DST: variants seen among roughly 807,000 people sequenced by gnomAD.
DST encodes the protein bullous pemphigoid antigen.
A neutral mutation model predicts 875.2 loss-of-function variants in DST; 253 were observed. The ratio of observed to expected loss-of-function variants is 0.29; its 90% CI spans 0.26 to 0.32. The LOEUF is 0.32. Ranked by LOEUF, DST falls within the 10% of genes least tolerant of loss-of-function variation. DST has a pLI of 1.00. For missense variants in DST, 8,287 were observed against 9,111.6 expected, an observed-to-expected ratio of 0.91 and a Z score of 3.68; for synonymous variants, 3,124 against 3,197.1, an observed-to-expected ratio of 0.98 and a Z score of 0.77.
intron 4 of DST, among the ~76,000 whole-genome samples, chr6:56,758,729 A>G (rs1045722948): frequency 2.0e-5 from 3 of 152,212 alleles, no homozygotes; most frequent in Non-Finnish European, 2.9e-5. Flanking sequence ...TGTCATCTAC[A>G]TGTGGCCTGA....
In DST at chr6:56,460,156, A is replaced by G; in HGVS notation, c.23169T>C (p.Ala7723=). 6.2e-7 allele frequency: 1 copy of G among 1,613,740 alleles called. No individual in the cohort carries two copies. Among genetic ancestry groups the G allele is most frequent in the Non-Finnish European group, 8.5e-7 (1 of 1,179,684 alleles). ...GEDSGLITTA[A]ARVRTQFADS... is the part of the protein sequence containing the mutation. The stretch of plus-strand genomic sequence containing the variant: ...CAGCAAACTGTGTTCGGACTCTGGC[A>G]GCTGCAGTTGTTATCAAGCCACTGT... Residue 7723 remains alanine (A), a synonymous_variant, in exon 103 of 104, where the codon GCT becomes GCC. Transcript: ENST00000680361.
At chr6:56,742,944 T>G (rs1204297739) in intron 4 of DST, among the ~76,000 whole-genome samples, 1 of 152,228 alleles carries the variant, frequency 6.6e-6, no homozygotes, top group African/African-American at 2.4e-5. Context: ...GTCCTCAGTT[T>G]AAAGCTGTGA....
chr6:56,700,825 T>C (rs1255524237), intron 8 of DST, among the ~76,000 whole-genome samples: 3 of 152,118 alleles, frequency 2.0e-5, no homozygotes, highest in African/African-American at 4.8e-5. Context: ...TGATGAATAA[T>C]AAGCAAACAA....
intron 34 of DST, 101 bp downstream of exon 34, chr6:56,627,103 T>C: frequency 1.1e-6 from 1 of 919,394 alleles, no homozygotes; most frequent in Non-Finnish European, 1.8e-6. Flanking sequence ...AAATGAAGAT[T>C]CTTTTAAACA....
intron 36 of DST, 44 bp from the exon 37 acceptor site, chr6:56,614,528 G>A: frequency 1.3e-6 from 2 of 1,518,908 alleles, no homozygotes; most frequent in Non-Finnish European, 1.8e-6. Context: ...TGCATTAAAT[G>A]ACTTAGCTAT....
chr6:56,734,588 G>A (rs2099516218), intron 5 of DST, among the ~76,000 whole-genome samples: 1 of 152,258 alleles, frequency 6.6e-6, no homozygotes, highest in Non-Finnish European at 1.5e-5. Context: ...ATTTACAGAA[G>A]GGCTTCAATA....
At chr6:56,813,027 A>G (rs930585740) in intron 4 of DST, among the ~76,000 whole-genome samples, 9 of 152,098 alleles carry the variant, frequency 5.9e-5, no homozygotes, top group African/African-American at 2.2e-4. Context: ...AATGTGGCAC[A>G]CATACACCAT....
chr6:56,664,893 T>C (rs2099064550), intron 10 of DST, among the ~76,000 whole-genome samples: 1 of 152,122 alleles, frequency 6.6e-6, no homozygotes, highest in Non-Finnish European at 1.5e-5. Flanking sequence ...ACACAGAAAT[T>C]CCTAGAAGGA....
chr6:56,596,221 G>A (rs1320482371), intron 47 of DST, among the ~76,000 whole-genome samples: 1 of 151,930 alleles, frequency 6.6e-6, no homozygotes, highest in Non-Finnish European at 1.5e-5. Context: ...TAGAGACAGG[G>A]CTTCACCATG....
chr6:56,479,800 A>G (rs922148143), intron 90 of DST, among the ~76,000 whole-genome samples: 7 of 152,258 alleles, frequency 4.6e-5, no homozygotes, highest in African/African-American at 1.7e-4. Context: ...CAGGGGCCTG[A>G]GAGTTGAAAC....
chr6:56,771,186 G>C (rs995615765), intron 4 of DST, among the ~76,000 whole-genome samples: 2 of 151,610 alleles, frequency 1.3e-5, no homozygotes, highest in South Asian at 4.2e-4. Context: ...ACAATTACTA[G>C]GAGGAATCTT....
chr6:56,907,432 C>T (rs1257469033), intron 2 of DST, among the ~76,000 whole-genome samples: 1 of 152,140 alleles, frequency 6.6e-6, no homozygotes, highest in Non-Finnish European at 1.5e-5. Flanking sequence ...ATATTAATAG[C>T]AATAATTTAC....
At chr6:56,641,880 C>T in intron 17 of DST, 67 bp downstream of exon 17, 6 of 1,272,252 alleles carry the variant, frequency 4.7e-6, no homozygotes, top group Non-Finnish European at 5.4e-6. Context: ...CTCTACATTC[C>T]TATTTCAAAT....
In DST at chr6:56,650,992, A is replaced by C; in HGVS notation, c.1368T>G (p.Thr456=). 11 of 1,613,266 alleles carry C rather than the reference A, an allele frequency of 6.8e-6. No individual in the cohort carries two copies. The highest frequency in any genetic ancestry group is 9.3e-6 in the Non-Finnish European group (11 of 1,179,396). The stretch of plus-strand genomic sequence containing the variant: ...ATGCATCATAGAGAGATGACACGTA[A>C]GTTATTACTGATTTTTCATCAGGTG... ...VSSPDEKSVI[T]YVSSLYDAFP... The change falls in exon 12 of 104, where the codon ACT becomes ACG. Residue 456 remains threonine (T), a synonymous_variant. Coordinates refer to ENST00000680361, the MANE Select transcript of DST (RefSeq NM_001374736.1).
intron 72 of DST, among the ~76,000 whole-genome samples, chr6:56,512,830 T>C (rs560111487): frequency 6.6e-6 from 1 of 152,312 alleles, no homozygotes; most frequent in Non-Finnish European, 1.5e-5. Context: ...TAAAGATGAA[T>C]TCAATTTTAA....
intron 4 of DST, among the ~76,000 whole-genome samples, chr6:56,786,767 C>T (rs1024969161): frequency 2.0e-5 from 3 of 152,134 alleles, no homozygotes; most frequent in Non-Finnish European, 4.4e-5. Context: ...AGGTGATCTG[C>T]CTGCCTCAGC....
intron 3 of DST, chr6:56,871,390 T>G (rs1160401869): frequency 7.5e-7 from 1 of 1,327,550 alleles, no homozygotes; most frequent in Non-Finnish European, 1.1e-6. Flanking sequence ...AATGCTGGAG[T>G]TGGCAGGTGT....
At chr6:56,600,566 A>G (rs1350865131) in intron 44 of DST, among the ~76,000 whole-genome samples, 1 of 152,060 alleles carries the variant, frequency 6.6e-6, no homozygotes, top group Non-Finnish European at 1.5e-5. Flanking sequence ...AAAGGACATC[A>G]AAAGAGAAGT....
intron 68 of DST, 70 bp downstream of exon 68, chr6:56,527,423 T>G: frequency 2.0e-6 from 3 of 1,516,032 alleles, no homozygotes; most frequent in Non-Finnish European, 2.7e-6. Flanking sequence ...CAAATATAAT[T>G]TTATTTTTGT....
Sources: allele counts gnomAD v4.1 joint callset (sites outside exome capture counted in the v4.1 genomes callset), GRCh38; gene constraint gnomAD v4.1.1; transcripts MANE v1.5; gene names NCBI Gene and HGNC (gene_info 2026-07-23, HGNC 2026-07-21).